Variants in P4HA2 observed in about 807,000 individuals in gnomAD.
The protein encoded by P4HA2 is prolyl 4-hydroxylase subunit alpha 2, also known as prolyl 4-hydroxylase subunit alpha-2.
In P4HA2, 46 loss-of-function variants were observed where a neutral mutation model predicts 76.9. The observed-to-expected ratio is 0.60, with a 90% CI of 0.47 to 0.76. P4HA2 has a LOEUF of 0.76. P4HA2 is among the 30% of genes least tolerant of loss of function. The pLI, the probability that P4HA2 is intolerant of heterozygous loss-of-function variation, is 0.00. For synonymous variants in P4HA2, 243 were observed against 254.0 expected, an observed-to-expected ratio of 0.96 and a Z score of 0.41; for missense variants, 583 against 669.4, an observed-to-expected ratio of 0.87 and a Z score of 1.42.
intron 4 of P4HA2, among the ~76,000 whole-genome samples, chr5:132,215,749 T>A (rs1267535480): frequency 1.3e-5 from 2 of 148,210 alleles, no homozygotes; most frequent in African/African-American, 5.0e-5. Flanking sequence ...GGCAGGAGGA[T>A]CACGTGAGGC....
In P4HA2 at chr5:132,192,869, T is replaced by A. The variant is rs1750044502; in HGVS notation, c.*141A>T. 3.1e-6 allele frequency: 2 copies of A among 652,916 alleles called. No individual in the cohort carries two copies. Among genetic ancestry groups the A allele is most frequent in the Non-Finnish European group, 5.7e-6 (2 of 352,700 alleles). The allele number at this position is 652,916 out of a possible 1,614,324, so 40.4% of individuals were successfully genotyped here. On this transcript the variant is annotated 3_prime_UTR_variant, in exon 15 of 15. Transcript: ENST00000360568. Reference sequence around the variant, plus strand: ...GACTTCAGTCACACAGGAGTCGCCCTAGTATGGTCTCCCTCTGCTCCAGAC... The same window carrying A: ...GACTTCAGTCACACAGGAGTCGCCCAAGTATGGTCTCCCTCTGCTCCAGAC...
intron 4 of P4HA2, among the ~76,000 whole-genome samples, chr5:132,214,970 G>A (rs1165171896): frequency 6.6e-6 from 1 of 152,148 alleles, no homozygotes; most frequent in Non-Finnish European, 1.5e-5. Flanking sequence ...CTGACTTAGG[G>A]CCTTCAATTC....
At chr5:132,219,528 A>C (rs147521809) in intron 1 of P4HA2, among the ~76,000 whole-genome samples, 1,522 of 152,132 alleles carry the variant, frequency 0.01, 32 homozygotes, top group African/African-American at 0.035. Flanking sequence ...TCAGTCCACA[A>C]CAGAAGCCTC....
At chr5:132,196,528 G>C (rs1750667156) in intron 12 of P4HA2, among the ~76,000 whole-genome samples, 1 of 152,102 alleles carries the variant, frequency 6.6e-6, no homozygotes, top group Non-Finnish European at 1.5e-5. Flanking sequence ...CCCAAGCCTG[G>C]GGTTCACAGC....
intron 10 of P4HA2, chr5:132,203,332 T>C (rs152051): frequency 0.19 from 33,239 of 171,636 alleles, 3,344 homozygotes; most frequent in East Asian, 0.29. Flanking sequence ...CAGTTGTGGT[T>C]CAGCAGGAGA....
chr5:132,208,071 T>C (rs1413008283), intron 7 of P4HA2, among the ~76,000 whole-genome samples, 187 bp from the exon 8 acceptor site: 1 of 151,776 alleles, frequency 6.6e-6, no homozygotes, highest in Non-Finnish European at 1.5e-5. Context: ...CCGAGAACTC[T>C]GGGGGGCCAA....
chr5:132,222,254 A>G (rs1409052806), intron 1 of P4HA2, among the ~76,000 whole-genome samples: 1 of 152,208 alleles, frequency 6.6e-6, no homozygotes, highest in Non-Finnish European at 1.5e-5. Flanking sequence ...ACTCTAGGAT[A>G]ACAGGGCTGA....
Position 132,217,732 on chromosome 5 carries a change from T to C in P4HA2, c.179+20A>G. On this transcript the variant is annotated intron_variant, in intron 3 of 14. Transcript: ENST00000360568. ...GAAGGGAAGGAAGGCCAACTAAGGA[T>C]GGTTGGGGACTTAGGACACCTCTTA... The C allele has an allele frequency of 2.1e-6, 3 of 1,415,532 alleles. No homozygotes were observed. Among genetic ancestry groups the C allele is most frequent in the Non-Finnish European group, 3.0e-6 (3 of 1,006,318 alleles). 87.7% of individuals were successfully genotyped at this position (1,415,532 alleles called of 1,614,324 possible).
At chr5:132,210,815 T>C (rs1446265910) in intron 5 of P4HA2, among the ~76,000 whole-genome samples, 1 of 152,184 alleles carries the variant, frequency 6.6e-6, no homozygotes, top group South Asian at 2.1e-4. Context: ...GGAAGCATTG[T>C]TGAGGACAGT....
chr5:132,206,340 C>A (rs1281292300), intron 8 of P4HA2, among the ~76,000 whole-genome samples: 1 of 152,150 alleles, frequency 6.6e-6, no homozygotes, highest in Non-Finnish European at 1.5e-5. Context: ...GGCTAGCCCC[C>A]TTCCTCAGCC....
At chr5:132,212,969 G>T (rs920244695) in intron 5 of P4HA2, among the ~76,000 whole-genome samples, 1 of 152,168 alleles carries the variant, frequency 6.6e-6, no homozygotes. Context: ...AATAAGCTGG[G>T]TCTGCATGAG....
chr5:132,225,049 GAAAAA>G (rs371037185), intron 1 of P4HA2, among the ~76,000 whole-genome samples: 1 of 116,642 alleles, frequency 8.6e-6, no homozygotes, highest in Non-Finnish European at 1.7e-5. Flanking sequence ...CTGCTCTGAG[GAAAAA>G]AAAAAAAAAA....
chr5:132,214,638 G>C (rs565562552), intron 4 of P4HA2, among the ~76,000 whole-genome samples: 1 of 152,184 alleles, frequency 6.6e-6, no homozygotes, highest in East Asian at 1.9e-4. Flanking sequence ...AGTCCTGGAA[G>C]TCATCCCCCT....
intron 4 of P4HA2, among the ~76,000 whole-genome samples, chr5:132,214,304 C>G (rs141842088): frequency 1.3e-5 from 2 of 152,266 alleles, no homozygotes; most frequent in East Asian, 3.9e-4. Flanking sequence ...AGCAGCCCCC[C>G]ATATTGGTTA....
Position 132,209,211 on chromosome 5 carries a change from T to C in P4HA2, c.830A>G (p.Tyr277Cys), listed in dbSNP as rs906084464. 3.7e-6 allele frequency: 6 copies of C among 1,613,658 alleles called. No individual in the cohort carries two copies. The highest frequency in any genetic ancestry group is 1.1e-5 in the South Asian group (1 of 91,078). ...EAELATPEGIYERPVDYLPER... is the reference protein window; with the variant it reads ...EAELATPEGICERPVDYLPER... Reference sequence around the variant, plus strand: ...AGGCAGGTAGTCCACAGGCCTCTCATAGATGCCTTCTGGGGTTGCTAGCTC... The same window carrying C: ...AGGCAGGTAGTCCACAGGCCTCTCACAGATGCCTTCTGGGGTTGCTAGCTC... The change falls in exon 7 of 15, where the codon TAT (tyrosine) becomes TGT (cysteine). Residue 277 changes from tyrosine (Y) to cysteine (C), a missense_variant. Transcript: ENST00000360568.
intron 7 of P4HA2, among the ~76,000 whole-genome samples, chr5:132,208,294 A>G (rs1186140763): frequency 6.9e-6 from 1 of 144,390 alleles, no homozygotes; most frequent in East Asian, 2.0e-4. Context: ...CGAAAGAAAG[A>G]AAAGAAAAGG....
At chr5:132,198,819 C>T in intron 11 of P4HA2, 60 bp downstream of exon 11, 3 of 1,183,994 alleles carry the variant, frequency 2.5e-6, no homozygotes, top group Non-Finnish European at 3.8e-6. Flanking sequence ...CTAGAAGCTC[C>T]ACCCTTCTCA....
chr5:132,215,753 G>A (rs976385459), intron 4 of P4HA2, among the ~76,000 whole-genome samples: 1 of 146,358 alleles, frequency 6.8e-6, no homozygotes. Context: ...GGAGGATCAC[G>A]TGAGGCCAGG....
chr5:132,194,021 T>C (rs371547596), intron 14 of P4HA2, among the ~76,000 whole-genome samples: 2 of 152,300 alleles, frequency 1.3e-5, no homozygotes, highest in East Asian at 3.9e-4. Flanking sequence ...TTCTGATATT[T>C]AACCTCATTT....
Sources: allele counts gnomAD v4.1 joint callset (sites outside exome capture counted in the v4.1 genomes callset), GRCh38; gene constraint gnomAD v4.1.1; transcripts MANE v1.5; gene names NCBI Gene and HGNC (gene_info 2026-07-23, HGNC 2026-07-21).